Variants in ARHGEF12 observed in about 807,000 individuals in gnomAD.
ARHGEF12 encodes the protein Rho guanine nucleotide exchange factor 12.
Under a neutral mutation model 211.2 loss-of-function variants are expected in ARHGEF12, and 66 were observed. That is an observed-to-expected ratio of 0.31 (90% CI 0.26 to 0.38). The LOEUF is 0.38. Among genes scored for constraint, ARHGEF12 ranks in the 10% least tolerant of loss-of-function variants. ARHGEF12 has a pLI of 1.00. For synonymous variants in ARHGEF12, 592 were observed against 638.4 expected (o/e 0.93, Z 1.09); for missense variants, 1,429 against 1,869.5 (o/e 0.76, Z 4.34).
chr11:120,457,430 A>G (rs1014308055), intron 23 of ARHGEF12, 180 bp downstream of exon 23: 2 of 646,946 alleles, frequency 3.1e-6, no homozygotes, highest in African/African-American at 1.9e-5. Flanking sequence ...GGAGTTTGAG[A>G]CCAGCCTGGG....
intron 1 of ARHGEF12, among the ~76,000 whole-genome samples, chr11:120,403,593 C>T (rs746229464): frequency 6.6e-6 from 1 of 151,612 alleles, no homozygotes; most frequent in Non-Finnish European, 1.5e-5. Context: ...TATTAATCAT[C>T]GTTCTTCATT....
At chr11:120,371,263 C>T (rs899872951) in intron 1 of ARHGEF12, among the ~76,000 whole-genome samples, 2 of 152,114 alleles carry the variant, frequency 1.3e-5, no homozygotes, top group Non-Finnish European at 2.9e-5. Flanking sequence ...CCGAGGCGGG[C>T]GGATCACCTG....
At chr11:120,353,295 T>C (rs753442444) in intron 1 of ARHGEF12, among the ~76,000 whole-genome samples, 6 of 152,214 alleles carry the variant, frequency 3.9e-5, no homozygotes, top group Non-Finnish European at 7.3e-5. Flanking sequence ...CCCGGTATTA[T>C]ACCATTGGAT....
At chr11:120,377,843 G>A (rs999737618) in intron 1 of ARHGEF12, among the ~76,000 whole-genome samples, 2 of 152,096 alleles carry the variant, frequency 1.3e-5, no homozygotes, top group African/African-American at 4.8e-5. Flanking sequence ...AAGTTTTTGT[G>A]TGGCATATAT....
chr11:120,339,309 A>G (rs1360411203), intron 1 of ARHGEF12, among the ~76,000 whole-genome samples: 1 of 152,022 alleles, frequency 6.6e-6, no homozygotes, highest in Non-Finnish European at 1.5e-5. Context: ...CTGTTAAGAG[A>G]GTAGTTGTTC....
At chr11:120,467,067 T>G in intron 28 of ARHGEF12, 127 bp from the exon 29 acceptor site, 3 of 602,690 alleles carry the variant, frequency 5.0e-6, no homozygotes, top group Non-Finnish European at 2.9e-6. Flanking sequence ...TGATATATCT[T>G]GGCATTTTTT....
intron 30 of ARHGEF12, among the ~76,000 whole-genome samples, chr11:120,471,492 T>C (rs1946867385): frequency 6.6e-6 from 1 of 152,196 alleles, no homozygotes. Context: ...ATGAGGAAAC[T>C]TTCTGGGGTG....
chr11:120,449,258 C>T, intron 21 of ARHGEF12, 44 bp downstream of exon 21: 1 of 1,467,652 alleles, frequency 6.8e-7, no homozygotes, highest in Non-Finnish European at 9.5e-7. Flanking sequence ...ACTCCAGGCC[C>T]TCTTCACATC....
intron 1 of ARHGEF12, among the ~76,000 whole-genome samples, chr11:120,373,764 T>G (rs1355095857): frequency 6.6e-6 from 1 of 152,216 alleles, no homozygotes; most frequent in African/African-American, 2.4e-5. Flanking sequence ...GGTGGCAATT[T>G]AAGAAACTAC....
rs545061460 is a variant in ARHGEF12, at chr11:120,352,997, A to G, written c.32+15722A>G. ...ACCCAAGGCTCTACCTATTGGTTCTAATATTCTGGTGGACAGAATCTAAGA... is the reference window on the plus strand; with the variant it reads ...ACCCAAGGCTCTACCTATTGGTTCTGATATTCTGGTGGACAGAATCTAAGA... On this transcript the variant is annotated intron_variant, in intron 1 of 40. Coordinates refer to ENST00000397843, the MANE Select transcript of ARHGEF12 (RefSeq NM_015313.3). Among the ~76,000 whole-genome samples, 36 of 152,358 alleles carry G rather than the reference A, an allele frequency of 2.4e-4. 1 individual carries two copies. Among genetic ancestry groups the G allele is most frequent in the Non-Finnish European group, 4.3e-4 (29 of 68,034 alleles).
chr11:120,424,286 A>T lies in ARHGEF12; in HGVS notation c.349-72A>T, dbSNP rs554746533. The T allele has an allele frequency of 6.7e-6, 7 of 1,039,352 alleles. No individual in the cohort carries two copies. In the South Asian group the frequency reaches 7.0e-5, roughly 10 times the overall value. The allele number at this position is 1,039,352 out of a possible 1,614,324, so 64.4% of individuals were successfully genotyped here. A position where few individuals can be genotyped will look rare whatever the true frequency, so the allele number is the denominator to read the frequency against. On this transcript the variant is annotated intron_variant, in intron 6 of 40. Transcript: ENST00000397843. ...TTATATTGGTTATATTATGTATGATAATTCTTGAAGTCATTTTATCCATTG... is the reference window on the plus strand; with the variant it reads ...TTATATTGGTTATATTATGTATGATTATTCTTGAAGTCATTTTATCCATTG...
intron 1 of ARHGEF12, among the ~76,000 whole-genome samples, chr11:120,340,335 C>A (rs1591473539): frequency 6.6e-6 from 1 of 152,152 alleles, no homozygotes; most frequent in Admixed American, 6.5e-5. Flanking sequence ...AGGGACAGTA[C>A]AGGTAGGAAA....
At chr11:120,359,482 T>A (rs1943221753) in intron 1 of ARHGEF12, among the ~76,000 whole-genome samples, 1 of 152,244 alleles carries the variant, frequency 6.6e-6, no homozygotes, top group Non-Finnish European at 1.5e-5. Flanking sequence ...GCACAAGTGA[T>A]CTGCCCACCT....
chr11:120,367,650 C>G (rs1943467834), intron 1 of ARHGEF12, among the ~76,000 whole-genome samples: 1 of 152,096 alleles, frequency 6.6e-6, no homozygotes, highest in Non-Finnish European at 1.5e-5. Flanking sequence ...AGGCGTGAGC[C>G]ACCACGCCCA....
rs768378672 is a variant in ARHGEF12 at position 120,476,745 on chromosome 11, C to T, written c.3362C>T (p.Thr1121Ile). 1.1e-5 allele frequency: 18 copies of T among 1,609,056 alleles called. No individual in the cohort carries two copies. In the Admixed American group the frequency reaches 3.0e-4, roughly 27 times the overall value. The change falls in exon 34 of 41, where the codon ACT (threonine) becomes ATT (isoleucine). Residue 1121 changes from threonine (T) to isoleucine (I), a missense_variant. Thr to Ile is a moderately conservative substitution (Grantham distance 89). This residue lies in a region of ARHGEF12 where 223 missense variants were observed against 444.6 expected (regional missense o/e 0.50). Coordinates refer to ENST00000397843, the MANE Select transcript of ARHGEF12 (RefSeq NM_015313.3). ...GTGGCACAGACAGTTTCTGAAAAGA[C>T]TGTGTATGTATCAGATATGGCTACC... ...ELVAQTVSEK[T>I]VWQDLICRMA...
intron 1 of ARHGEF12, among the ~76,000 whole-genome samples, chr11:120,355,592 A>C (rs116382810): frequency 0.011 from 1,666 of 152,260 alleles, 31 homozygotes; most frequent in African/African-American, 0.038. Context: ...CTGTAGTCCT[A>C]GTTACTTAGG....
intron 15 of ARHGEF12, 100 bp from the exon 16 acceptor site, chr11:120,445,322 G>A (rs547787414): frequency 1.8e-5 from 19 of 1,074,690 alleles, no homozygotes; most frequent in African/African-American, 1.2e-4. Context: ...TGCTTGTAGA[G>A]TGGGTATCCA....
At chr11:120,445,556 CT>C in intron 16 of ARHGEF12, 92 bp downstream of exon 16, 1 of 1,228,662 alleles carries the variant, frequency 8.1e-7, no homozygotes, top group Non-Finnish European at 1.2e-6. Flanking sequence ...CACATGGTGA[CT>C]AGTCGATCAC....
intron 8 of ARHGEF12, 36 bp from the exon 9 acceptor site, chr11:120,429,404 T>G (rs1565474642): frequency 2.6e-6 from 4 of 1,547,540 alleles, no homozygotes; most frequent in Non-Finnish European, 3.6e-6. Flanking sequence ...TTGTCTATAC[T>G]GGTTGTTGTT....
Sources: allele counts gnomAD v4.1 joint callset (sites outside exome capture counted in the v4.1 genomes callset), GRCh38; gene constraint gnomAD v4.1.1; regional missense constraint gnomAD v4.1.1; transcripts MANE v1.5; gene names NCBI Gene and HGNC (gene_info 2026-07-23, HGNC 2026-07-21).